Variants in PTBP2 observed in about 807,000 individuals in gnomAD.
PTBP2 encodes the protein polypyrimidine tract-binding protein 2.
In PTBP2, 13 loss-of-function variants were observed where a neutral mutation model predicts 61.4. The ratio of observed to expected loss-of-function variants is 0.21; its 90% CI spans 0.14 to 0.34. The LOEUF is 0.34. PTBP2 is among the 10% of genes least tolerant of loss of function. The pLI, the probability that PTBP2 is intolerant of heterozygous loss-of-function variation, is 1.00. For synonymous variants in PTBP2, 215 were observed against 218.5 expected (o/e 0.98, Z 0.14); for missense variants, 405 against 642.6 (o/e 0.63, Z 4.00).
chr1:96,751,185 C>T (rs1287694614), intron 2 of PTBP2: 1 of 548,916 alleles, frequency 1.8e-6, no homozygotes, highest in Non-Finnish European at 3.3e-6. Context: ...AATCTAATCA[C>T]TTTTTCTATT....
At chr1:96,806,483 A>G (rs775153858) in intron 10 of PTBP2, 31 bp downstream of exon 10, 2 of 1,587,862 alleles carry the variant, frequency 1.3e-6, no homozygotes, top group South Asian at 2.2e-5. Flanking sequence ...TACTTTTATT[A>G]TTGATTTGAT....
At chr1:96,805,138 T>C (rs1661379319) in intron 9 of PTBP2, among the ~76,000 whole-genome samples, 199 bp downstream of exon 9, 1 of 152,072 alleles carries the variant, frequency 6.6e-6, no homozygotes, top group Admixed American at 6.5e-5. Context: ...CATGTCTCTT[T>C]ATATCTATAT....
downstream of PTBP2, chr1:96,818,666 C>T (rs1662569926): frequency 6.6e-6 from 1 of 152,056 alleles, no homozygotes; most frequent in Non-Finnish European, 1.5e-5. Context: ...TGGAGAAGCA[C>T]TCAATGCATT....
chr1:96,736,276 T>G (rs1162069674), intron 2 of PTBP2, among the ~76,000 whole-genome samples: 1 of 152,224 alleles, frequency 6.6e-6, no homozygotes, highest in African/African-American at 2.4e-5. Flanking sequence ...GATATAGAAG[T>G]GAGGCTAATC....
intron 8 of PTBP2, among the ~76,000 whole-genome samples, chr1:96,801,314 T>C (rs944326528): frequency 6.6e-6 from 1 of 152,174 alleles, no homozygotes; most frequent in African/African-American, 2.4e-5. Context: ...TGAGTAAATG[T>C]ATCTTTTTAA....
intron 8 of PTBP2, among the ~76,000 whole-genome samples, chr1:96,789,467 T>C (rs1659557534): frequency 6.6e-6 from 1 of 152,048 alleles, no homozygotes; most frequent in Non-Finnish European, 1.5e-5. Flanking sequence ...CTCAAGATGG[T>C]TTTACTATGT....
intron 8 of PTBP2, 146 bp downstream of exon 8, chr1:96,785,400 G>A (rs1395097384): frequency 1.8e-6 from 1 of 567,138 alleles, no homozygotes; most frequent in East Asian, 3.4e-5. Context: ...GAAGGCATAT[G>A]AATACTGTTA....
chr1:96,769,696 C>CT lies in PTBP2; in HGVS notation c.116-4dup. On this transcript the variant is annotated splice_region_variant and splice_polypyrimidine_tract_variant and intron_variant, in intron 3 of 13. Transcript: ENST00000674951. ...ATATATAAGGACTGTTTTTTAATGT[C>CT]TTTCAGCCAATGGTAATGATAGTAA... 6.4e-7 allele frequency: 1 copy of CT among 1,553,184 alleles called. No individual in the cohort carries two copies. Among genetic ancestry groups the CT allele is most frequent in the South Asian group, 1.2e-5 (1 of 80,244 alleles).
At position 96,755,363 on chromosome 1, in the gene PTBP2, G is replaced by A. The variant is rs150369674; in HGVS notation, c.115+3863G>A. 2.3e-3 allele frequency among the ~76,000 whole-genome samples: 344 copies of A among 152,306 alleles called. 2 individuals carry two copies. The highest frequency in any genetic ancestry group is 3.9e-3 in the Non-Finnish European group (263 of 68,024). On this transcript the variant is annotated intron_variant, in intron 3 of 13. Coordinates refer to ENST00000674951, the MANE Select transcript of PTBP2 (RefSeq NM_021190.4). ...TGCCATCTTGGAAAGCATGAGTTGG[G>A]AAGAATGTGGAAGAATGTTAATATT...
intron 1 of PTBP2, among the ~76,000 whole-genome samples, chr1:96,722,433 G>T (rs1218604204): frequency 1.3e-5 from 2 of 151,406 alleles, no homozygotes; most frequent in Non-Finnish European, 2.9e-5. Flanking sequence ...AGTGGGAGCC[G>T]CTGGGGAAGG....
intron 2 of PTBP2, among the ~76,000 whole-genome samples, chr1:96,728,714 G>C (rs1262319523): frequency 1.3e-5 from 2 of 151,740 alleles, no homozygotes; most frequent in South Asian, 4.1e-4. Flanking sequence ...AAAACTGCTT[G>C]GATTTTACTG....
intron 3 of PTBP2, among the ~76,000 whole-genome samples, chr1:96,768,705 A>G (rs902785014): frequency 2.0e-5 from 3 of 152,026 alleles, no homozygotes; most frequent in African/African-American, 7.2e-5. Context: ...TGTTGATTGA[A>G]TTATGTTACT....
rs1297882752 is a variant in PTBP2 at position 96,722,010 on chromosome 1, C to T, written c.8+138C>T. On this transcript the variant is annotated intron_variant, in intron 1 of 13. Coordinates refer to ENST00000674951, the MANE Select transcript of PTBP2 (RefSeq NM_021190.4). ...CCGTTACCCAACCCCCGCCCCATCG[C>T]ACACACCCCTCCCTTTGCTTCCCCC... 7 of 1,117,296 alleles carry T rather than the reference C, an allele frequency of 6.3e-6. No homozygotes were observed. The African/African-American group carries it at 6.3e-5, about 10-fold the overall frequency. 69.2% of individuals were successfully genotyped at this position (1,117,296 alleles called of 1,614,324 possible).
chr1:96,750,218 ATTAGATC>A (rs1654364062), intron 2 of PTBP2, among the ~76,000 whole-genome samples: 1 of 151,998 alleles, frequency 6.6e-6, no homozygotes, highest in African/African-American at 2.4e-5. Flanking sequence ...AGAGTATTCA[ATTAGATC>A]TTAGGGACTA....
At chr1:96,749,625 ACTTGAC>A (rs1263324124) in intron 2 of PTBP2, 1 of 456,042 alleles carries the variant, frequency 2.2e-6, no homozygotes, top group African/African-American at 2.0e-5. Context: ...ATGTGGAGTA[ACTTGAC>A]CTTCAGTTTT....
At chr1:96,764,179 CAAAG>C (rs1331593572) in intron 3 of PTBP2, among the ~76,000 whole-genome samples, 5 of 151,608 alleles carry the variant, frequency 3.3e-5, no homozygotes, top group Non-Finnish European at 5.9e-5. Flanking sequence ...TGCTTTTTGT[CAAAG>C]AAAAAAATAA....
intron 4 of PTBP2, 104 bp from the exon 5 acceptor site, chr1:96,770,604 G>A: frequency 9.8e-7 from 1 of 1,019,736 alleles, no homozygotes. Flanking sequence ...GTAACCTGAA[G>A]GATTATATTC....
intron 7 of PTBP2, among the ~76,000 whole-genome samples, chr1:96,784,338 G>A: frequency 6.6e-6 from 1 of 151,936 alleles, no homozygotes; most frequent in Non-Finnish European, 1.5e-5. Context: ...CATCATTCCT[G>A]TTTTCCCGAT....
chr1:96,755,097 T>C (rs1420485621), intron 3 of PTBP2, among the ~76,000 whole-genome samples: 2 of 152,156 alleles, frequency 1.3e-5, no homozygotes, highest in Admixed American at 1.3e-4. Flanking sequence ...ATATAGCTGA[T>C]AAAGGACTTC....
Sources: allele counts gnomAD v4.1 joint callset (sites outside exome capture counted in the v4.1 genomes callset), GRCh38; gene constraint gnomAD v4.1.1; transcripts MANE v1.5; gene names NCBI Gene and HGNC (gene_info 2026-07-23, HGNC 2026-07-21).